DGKA: variants seen among roughly 807,000 people sequenced by gnomAD.
DGKA encodes the protein 80 kDa diacylglycerol kinase.
In DGKA, 35 loss-of-function variants were observed where a neutral mutation model predicts 105.0. The observed-to-expected ratio is 0.33, with a 90% CI of 0.25 to 0.44. DGKA has a LOEUF of 0.44. Ranked by LOEUF, DGKA falls within the 20% of genes least tolerant of loss-of-function variation. The probability of loss-of-function intolerance (pLI) is 1.00; values close to 1 mark genes in which losing one functional copy is unlikely to be tolerated. For missense variants in DGKA, 665 were observed against 915.0 expected (o/e 0.73, Z 3.53); for synonymous variants, 296 against 332.0 (o/e 0.89, Z 1.18).
chr12:55,941,977 T>G, intron 15 of DGKA, 21 bp from the exon 16 acceptor site: 1 of 1,613,512 alleles, frequency 6.2e-7, no homozygotes, highest in Non-Finnish European at 8.5e-7. Context: ...TTCTTCATAT[T>G]CTCTCTCCCC....
intron 17 of DGKA, among the ~76,000 whole-genome samples, chr12:55,947,971 G>A (rs552567612): frequency 3.9e-5 from 6 of 152,028 alleles, no homozygotes; most frequent in South Asian, 2.1e-4. Context: ...TTGTATTTTC[G>A]GTAGAGACGA....
At chr12:55,939,607 A>AT in intron 9 of DGKA, 78 bp downstream of exon 9, 1 of 1,433,418 alleles carries the variant, frequency 7.0e-7, no homozygotes, top group African/African-American at 1.4e-5. Context: ...TAAACTTAGA[A>AT]AAGACCTAGG....
chr12:55,938,358 C>G, intron 5 of DGKA, 153 bp from the exon 6 acceptor site: 1 of 968,274 alleles, frequency 1.0e-6, no homozygotes, highest in Non-Finnish European at 1.6e-6. Context: ...GCCTGTTTTC[C>G]TTTCCTTTTT....
intron 5 of DGKA, 138 bp from the exon 6 acceptor site, chr12:55,938,369 GTCTC>G (rs1401703681): frequency 8.7e-6 from 9 of 1,036,620 alleles, no homozygotes; most frequent in East Asian, 2.4e-5. Context: ...TTTCCTTTTT[GTCTC>G]TCTCTCAGTC....
In DGKA at chr12:55,952,408, C is replaced by G. The variant is rs1325357835; in HGVS notation, c.1720C>G (p.Leu574Val). The G allele has an allele frequency of 6.2e-7, 1 of 1,614,150 alleles. No individual in the cohort carries two copies. Among genetic ancestry groups the G allele is most frequent in the South Asian group, 1.1e-5 (1 of 91,084 alleles). Reference protein sequence around the residue: ...SESIFSTCKKLEESLTVEICG... With the variant: ...SESIFSTCKKVEESLTVEICG... ...ATCCATCTTCTCAACATGCAAAAAGCTGGAGGAGTCTTTGACAGTTGAGGT... is the reference window on the plus strand; with the variant it reads ...ATCCATCTTCTCAACATGCAAAAAGGTGGAGGAGTCTTTGACAGTTGAGGT... Residue 574 changes from leucine (L) to valine (V), a missense_variant, in exon 20 of 24, where the codon CTG (leucine) becomes GTG (valine). Leu to Val is a conservative substitution (Grantham distance 32, BLOSUM62 1). Around this residue, in one of 3 missense-constraint regions of DGKA, gnomAD observed 158 missense variants for 213.4 expected, o/e 0.74. Transcript: ENST00000331886. The surrounding 1 kb of genome is among the most constrained non-coding windows in gnomAD (Gnocchi z 5.1).
chr12:55,932,365 G>A lies in DGKA; in HGVS notation c.-82+1021G>A, dbSNP rs1293019004. On this transcript the variant is annotated intron_variant, in intron 1 of 23. Coordinates refer to ENST00000331886, the MANE Select transcript of DGKA (RefSeq NM_001345.5). This position sits in a 1 kb window ranked among gnomAD's most constrained non-coding sequence, Gnocchi z 4.3. ...CCCCTCCATCCCTCCCGCTCATTCG[G>A]AGGGATGGTGAAGCCCGGTTCCTGG... 1 of 594,238 alleles carries A rather than the reference G, an allele frequency of 1.7e-6. No homozygotes were observed. Among genetic ancestry groups the A allele is most frequent in the East Asian group, 2.8e-5 (1 of 35,704 alleles). 36.8% of individuals were successfully genotyped at this position (594,238 alleles called of 1,614,324 possible). A position where few individuals can be genotyped will look rare whatever the true frequency, so the allele number is the denominator to read the frequency against.
In DGKA at chr12:55,940,928, C is replaced by T. The variant is rs1408572126; in HGVS notation, c.1049C>T (p.Thr350Ile). ...GGACCGGATCGTAAAAATAGCAAAA[C>T]AAGCCAGAAGACCATGGATGATTTA... Reference protein sequence around the residue: ...ASGPDRKNSKTSQKTMDDLNL... With the variant: ...ASGPDRKNSKISQKTMDDLNL... The change falls in exon 13 of 24, where the codon ACA becomes ATA. Residue 350 changes from threonine to isoleucine, a missense_variant. Around this residue, in one of 3 missense-constraint regions of DGKA, gnomAD observed 504 missense variants for 681.2 expected, o/e 0.74. Transcript: ENST00000331886. The surrounding 1 kb of genome is among the most constrained non-coding windows in gnomAD (Gnocchi z 4.3). 6.2e-7 allele frequency: 1 copy of T among 1,614,174 alleles called. No homozygotes were observed. The highest frequency in any genetic ancestry group is 8.5e-7 in the Non-Finnish European group (1 of 1,180,024).
chr12:55,953,489 C>A (rs375984974), intron 23 of DGKA, 79 bp downstream of exon 23: 13 of 1,475,976 alleles, frequency 8.8e-6, no homozygotes, highest in African/African-American at 1.4e-5. Context: ...AGCTTCTTTA[C>A]ACCCTTCTGA....
At chr12:55,948,805 C>T (rs1354710919) in intron 17 of DGKA, among the ~76,000 whole-genome samples, 2 of 151,538 alleles carry the variant, frequency 1.3e-5, no homozygotes, top group African/African-American at 4.8e-5. Flanking sequence ...GGGTGGATCA[C>T]GAGGTCAGGA....
rs111772029 is a variant in DGKA at position 55,941,150 on chromosome 12, A to G, written c.1102-102A>G. On this transcript the variant is annotated intron_variant, in intron 13 of 23. Transcript: ENST00000331886. Reference sequence around the variant, plus strand: ...GAGGGAAACAGGAGGGAGGGGGGAAATATCTTGGTGGAATGCTAGCCCTCT... The same window carrying G: ...GAGGGAAACAGGAGGGAGGGGGGAAGTATCTTGGTGGAATGCTAGCCCTCT... 2,540 of 1,393,822 alleles carry G rather than the reference A, an allele frequency of 1.8e-3. 43 individuals carry two copies. In the African/African-American group the frequency reaches 0.033, roughly 18 times the overall value. 86.3% of individuals were successfully genotyped at this position (1,393,822 alleles called of 1,614,324 possible).
chr12:55,932,236 A>G lies in DGKA; in HGVS notation c.-82+892A>G. ...TCGTGCTGCTGGGTCGGGAAGGAGG[A>G]AGCGTGACAGCTGGAGCGGGTATCG... is the stretch of plus-strand genomic sequence containing the variant. On this transcript the variant is annotated intron_variant, in intron 1 of 23. Transcript: ENST00000331886. This position sits in a 1 kb window ranked among gnomAD's most constrained non-coding sequence, Gnocchi z 4.3. 2.6e-6 allele frequency: 1 copy of G among 377,482 alleles called. No homozygotes were observed. The highest frequency in any genetic ancestry group is 5.0e-6 in the Non-Finnish European group (1 of 200,136). The allele number at this position is 377,482 out of a possible 1,614,324, so 23.4% of individuals were successfully genotyped here. A position where few individuals can be genotyped will look rare whatever the true frequency, so the allele number is the denominator to read the frequency against.
At chr12:55,943,696 A>G (rs1011539031) in intron 17 of DGKA, among the ~76,000 whole-genome samples, 9 of 151,958 alleles carry the variant, frequency 5.9e-5, no homozygotes, top group African/African-American at 2.2e-4. Flanking sequence ...GTGAGGGGGA[A>G]CTCGATGTAA....
rs1885387764 is a variant in DGKA at position 55,939,213 on chromosome 12, G to T, written c.502G>T (p.Asp168Tyr). 1 of 1,614,090 alleles carries T rather than the reference G, an allele frequency of 6.2e-7. No individual in the cohort carries two copies. The highest frequency in any genetic ancestry group is 1.3e-5 in the African/African-American group (1 of 74,932). Residue 168 changes from aspartate (D) to tyrosine (Y), a missense_variant, in exon 8 of 24, where the codon GAC (aspartate) becomes TAC (tyrosine). Physicochemically the swap from Asp to Tyr is radical, Grantham distance 160 (BLOSUM62 -3). Around this residue, in one of 3 missense-constraint regions of DGKA, gnomAD observed 504 missense variants for 681.2 expected, o/e 0.74. Transcript: ENST00000331886. Reference sequence around the variant, plus strand: ...TCTTCAGGAGATGATGAAAGAGATTGACTATGATGGCAGTGGCTCTGTCTC... The same window carrying T: ...TCTTCAGGAGATGATGAAAGAGATTTACTATGATGGCAGTGGCTCTGTCTC... ...PILQEMMKEIDYDGSGSVSQA... is the reference protein window; with the variant it reads ...PILQEMMKEIYYDGSGSVSQA...
chr12:55,941,965 C>A, intron 15 of DGKA, 33 bp from the exon 16 acceptor site: 3 of 1,611,042 alleles, frequency 1.9e-6, no homozygotes, highest in Non-Finnish European at 2.5e-6. Flanking sequence ...GTCCTGTTAT[C>A]CTTCTTCATA....
intron 17 of DGKA, among the ~76,000 whole-genome samples, chr12:55,946,077 C>G (rs1485434684): frequency 6.6e-6 from 1 of 151,908 alleles, no homozygotes; most frequent in Non-Finnish European, 1.5e-5. Flanking sequence ...CGTGAGCTAC[C>G]ATGCCTGGCC....
upstream of DGKA, chr12:55,927,902 C>G (rs536925897): frequency 7.3e-5 from 81 of 1,109,150 alleles, 1 homozygote; most frequent in South Asian, 1.0e-3. Flanking sequence ...AGTGCCTCCT[C>G]GGGCTGGGCC....
At position 55,940,453 on chromosome 12, in the gene DGKA, C is replaced by A; in HGVS notation, c.918+20C>A. 1 of 1,613,084 alleles carries A rather than the reference C, an allele frequency of 6.2e-7. No individual in the cohort carries two copies. Among genetic ancestry groups the A allele is most frequent in the Non-Finnish European group, 8.5e-7 (1 of 1,179,522 alleles). On this transcript the variant is annotated intron_variant, in intron 11 of 23. Coordinates refer to ENST00000331886, the MANE Select transcript of DGKA (RefSeq NM_001345.5). The surrounding 1 kb of genome is among the most constrained non-coding windows in gnomAD (Gnocchi z 4.3). ...CTAGAGGTCAGTTTGGGAGCCATCCCTTCTGGGTGCGTCTTACCCCGCAGA... is the reference window on the plus strand; with the variant it reads ...CTAGAGGTCAGTTTGGGAGCCATCCATTCTGGGTGCGTCTTACCCCGCAGA...
At chr12:55,934,151 G>A (rs1412017771) in intron 1 of DGKA, among the ~76,000 whole-genome samples, 2 of 152,206 alleles carry the variant, frequency 1.3e-5, no homozygotes, top group Admixed American at 6.5e-5. Flanking sequence ...GCAAGAAAGA[G>A]TTAGATCATT....
At position 55,940,825 on chromosome 12, in the gene DGKA, A is replaced by G. The variant is rs1885789575; in HGVS notation, c.1018-72A>G. Reference sequence around the variant, plus strand: ...TAGAGAGCTCATACTTTTAGGATTCAAGTCAGACCCCTCTATTTAGGGATT... The same window carrying G: ...TAGAGAGCTCATACTTTTAGGATTCGAGTCAGACCCCTCTATTTAGGGATT... On this transcript the variant is annotated intron_variant, in intron 12 of 23. Coordinates refer to ENST00000331886, the MANE Select transcript of DGKA (RefSeq NM_001345.5). This position sits in a 1 kb window ranked among gnomAD's most constrained non-coding sequence, Gnocchi z 4.3. The G allele has an allele frequency of 1.3e-6, 2 of 1,598,664 alleles. No homozygotes were observed. The highest frequency in any genetic ancestry group is 1.7e-6 in the Non-Finnish European group (2 of 1,166,754).
Sources: gnomAD v4.1 joint callset for allele counts (sites outside exome capture counted in the v4.1 genomes callset) on GRCh38, gnomAD v4.1.1 for gene constraint, gnomAD v4.1.1 regional missense constraint, Gnocchi (gnomAD v3.1) non-coding constraint, MANE v1.5 for transcripts, NCBI Gene and HGNC (gene_info 2026-07-23, HGNC 2026-07-21) for gene names.